The following KCTD18 variants were observed in gnomAD, a reference collection of about 807,000 sequenced individuals.
The protein encoded by KCTD18 is potassium channel tetramerization domain containing 18.
KCTD18 carries 22 observed loss-of-function variants against 30.4 expected under a neutral mutation model. The ratio of observed to expected loss-of-function variants is 0.72; its 90% confidence interval spans 0.52 to 1.03. The LOEUF (loss-of-function observed/expected upper bound fraction) is 1.03, where lower values mean the gene tolerates loss of function less well. KCTD18 is among the 50% of genes least tolerant of loss of function. KCTD18 has a pLI of 0.00. For synonymous variants in KCTD18, 186 were observed against 209.0 expected, an observed-to-expected ratio of 0.89 and a Z score of 0.95; for missense variants, 529 against 547.6, an observed-to-expected ratio of 0.97 and a Z score of 0.34.
chr2:200,491,312 C>T (rs1381016969), intron 6 of KCTD18, among the ~76,000 whole-genome samples: 1 of 152,188 alleles, frequency 6.6e-6, no homozygotes, highest in Non-Finnish European at 1.5e-5. Context: ...TGAGGCCTCA[C>T]CAGAAGCATA....
chr2:200,494,903 T>C (rs2087974135), intron 5 of KCTD18, among the ~76,000 whole-genome samples: 1 of 152,228 alleles, frequency 6.6e-6, no homozygotes, highest in South Asian at 2.1e-4. Flanking sequence ...AATGGGATCA[T>C]ACAAAATGCA....
intron 1 of KCTD18, among the ~76,000 whole-genome samples, chr2:200,508,475 A>G (rs1007737947): frequency 1.3e-5 from 2 of 152,274 alleles, no homozygotes; most frequent in East Asian, 3.9e-4. Flanking sequence ...TCCCACCTAA[A>G]ACAATACTGT....
chr2:200,492,021 C>T lies in KCTD18; in HGVS notation c.764+1151G>A, dbSNP rs887668155. Among the ~76,000 whole-genome samples the T allele has an allele frequency of 1.1e-4, 17 of 152,284 alleles. No individual in the cohort carries two copies. The South Asian group carries it at 1.5e-3, about 13-fold the overall frequency. ...ACAAGTGCTTCTCAGTCATCATCATCGTTATCCTGTTGATGCATCAAAAAT... is the reference window on the plus strand; with the variant it reads ...ACAAGTGCTTCTCAGTCATCATCATTGTTATCCTGTTGATGCATCAAAAAT... On this transcript the variant is annotated intron_variant, in intron 6 of 6. Coordinates refer to ENST00000359878, the MANE Select transcript of KCTD18 (RefSeq NM_152387.4).
chr2:200,508,249 C>G (rs1314540306), intron 1 of KCTD18, among the ~76,000 whole-genome samples: 1 of 152,142 alleles, frequency 6.6e-6, no homozygotes, highest in African/African-American at 2.4e-5. Context: ...ACCATCATGC[C>G]GGGCTAATTC....
At chr2:200,502,081 G>C (rs1246455735) in intron 3 of KCTD18, among the ~76,000 whole-genome samples, 1 of 149,008 alleles carries the variant, frequency 6.7e-6, no homozygotes, top group Non-Finnish European at 1.5e-5. Flanking sequence ...GGTGGGAATT[G>C]AACAATGAGA....
At position 200,493,219 on chromosome 2, in the gene KCTD18, T is replaced by C. The variant is rs1055931630; in HGVS notation, c.717A>G (p.Glu239=). The change falls in exon 6 of 7, where the codon GAA becomes GAG. Residue 239 remains glutamate (E), a synonymous_variant. Coordinates refer to ENST00000359878, the MANE Select transcript of KCTD18 (RefSeq NM_152387.4). The part of the protein sequence containing the change: ...HELIECWTLE[E]RPLLGSLRHM... ...GACGCAGGCTTCCAAGTAAAGGCCG[T>C]TCTTCTAGAGTCCAACACTCTATCA... The C allele has an allele frequency of 1.2e-6, 2 of 1,613,498 alleles. No individual in the cohort carries two copies.
chr2:200,489,280 CAGAA>C lies in KCTD18; in HGVS notation c.*816_*819del, dbSNP rs1397070911. The C allele has an allele frequency of 2.0e-5, 3 of 152,578 alleles. No homozygotes were observed. 9.5% of individuals were successfully genotyped at this position (152,578 alleles called of 1,614,324 possible). On this transcript the variant is annotated 3_prime_UTR_variant, in exon 7 of 7. Coordinates refer to ENST00000359878, the MANE Select transcript of KCTD18 (RefSeq NM_152387.4). ...ATGCATAAAAATCATATTGTATAATCAGAATGAATCTTCAGTGGTCATTTCTGAA... is the reference window on the plus strand; with the variant it reads ...ATGCATAAAAATCATATTGTATAATCTGAATCTTCAGTGGTCATTTCTGAA...
At chr2:200,495,706 C>T (rs2087988178) in intron 5 of KCTD18, among the ~76,000 whole-genome samples, 1 of 151,734 alleles carries the variant, frequency 6.6e-6, no homozygotes, top group Admixed American at 6.6e-5. Flanking sequence ...GGTCATGAAC[C>T]TTGTAATTTT....
Position 200,490,493 on chromosome 2 carries a change from C to A in KCTD18, c.888G>T (p.Thr296=), listed in dbSNP as rs758879282. ...QIKVKNSASV[T]VSPASAIQTS... ...TCTGGATGGCACTGGCTGGAGACAC[C>A]GTGACTGAGGCCGAGTTCTTGACTT... Residue 296 remains threonine (T), a synonymous_variant, in exon 7 of 7, where the codon ACG becomes ACT. Coordinates refer to ENST00000359878, the MANE Select transcript of KCTD18 (RefSeq NM_152387.4). The A allele has an allele frequency of 1.9e-6, 3 of 1,611,428 alleles. No homozygotes were observed. The highest frequency in any genetic ancestry group is 1.7e-5 in the Admixed American group (1 of 60,018).
At chr2:200,491,350 T>G (rs540284228) in intron 6 of KCTD18, among the ~76,000 whole-genome samples, 1 of 152,366 alleles carries the variant, frequency 6.6e-6, no homozygotes, top group South Asian at 2.1e-4. Flanking sequence ...TTGTACAGAC[T>G]GCAGAACCAT....
chr2:200,490,168 G>C lies in KCTD18; in HGVS notation c.1213C>G (p.Pro405Ala). 6.2e-7 allele frequency: 1 copy of C among 1,612,236 alleles called. No individual in the cohort carries two copies. The highest frequency in any genetic ancestry group is 8.5e-7 in the Non-Finnish European group (1 of 1,178,492). ...GCACGGGCAGCTTCGCCGGGAAGCG[G>C]CTTGAGGGAGTTGGCCTGCCTCGTG... Reference protein sequence around the residue: ...TATRQANSLKPLPGEAARALG... With the variant: ...TATRQANSLKALPGEAARALG... The change falls in exon 7 of 7, where the codon CCG (proline) becomes GCG (alanine). Residue 405 changes from proline (P) to alanine (A), a missense_variant. Coordinates refer to ENST00000359878, the MANE Select transcript of KCTD18 (RefSeq NM_152387.4).
chr2:200,508,343 G>A (rs1003999779), intron 1 of KCTD18, among the ~76,000 whole-genome samples: 5 of 152,154 alleles, frequency 3.3e-5, no homozygotes, highest in Admixed American at 1.3e-4. Flanking sequence ...ACCCACCTCG[G>A]CCTCCCAAAG....
chr2:200,502,519 A>C (rs1264912724), intron 3 of KCTD18, among the ~76,000 whole-genome samples: 2 of 152,198 alleles, frequency 1.3e-5, no homozygotes, highest in African/African-American at 4.8e-5. Flanking sequence ...CGAATATGTA[A>C]ACTCAATATC....
At chr2:200,506,476 A>G (rs971497382) in intron 2 of KCTD18, among the ~76,000 whole-genome samples, 1 of 152,228 alleles carries the variant, frequency 6.6e-6, no homozygotes, top group Non-Finnish European at 1.5e-5. Context: ...TGTTAGCAAT[A>G]AGGAGGGCAG....
chr2:200,497,775 G>A lies in KCTD18; in HGVS notation c.639C>T (p.Ala213=). 3 of 1,610,450 alleles carry A rather than the reference G, an allele frequency of 1.9e-6. No individual in the cohort carries two copies. Among genetic ancestry groups the A allele is most frequent in the Non-Finnish European group, 2.5e-6 (3 of 1,177,344 alleles). The change falls in exon 5 of 7, where the codon GCC becomes GCT. Residue 213 remains alanine (A), a synonymous_variant. Coordinates refer to ENST00000359878, the MANE Select transcript of KCTD18 (RefSeq NM_152387.4). ...TACCTTTTCCTTCCCAAGCATCAAA[G>A]GCATCCATCATTTTCTTCAACTCTG... ...SVAELKKMMD[A]FDAWEGKGVS...
rs767052821 is a variant in KCTD18, at chr2:200,494,196, C to T, written c.662-922G>A. Among the ~76,000 whole-genome samples, 21 of 152,242 alleles carry T rather than the reference C, an allele frequency of 1.4e-4. No individual in the cohort carries two copies. The Middle Eastern group carries it at 0.01, about 74-fold the overall frequency. Reference sequence around the variant, plus strand: ...GAGACACAAAGCAGACTGCTGGTTGCCAGGGGCTGTGGGAGACAGTGGAGT... The same window carrying T: ...GAGACACAAAGCAGACTGCTGGTTGTCAGGGGCTGTGGGAGACAGTGGAGT... On this transcript the variant is annotated intron_variant, in intron 5 of 6. Coordinates refer to ENST00000359878, the MANE Select transcript of KCTD18 (RefSeq NM_152387.4).
chr2:200,506,820 A>G lies in KCTD18; in HGVS notation c.160+37T>C, dbSNP rs1370435272. 1.3e-6 allele frequency: 2 copies of G among 1,597,394 alleles called. 1 individual carries two copies. Among genetic ancestry groups the G allele is most frequent in the South Asian group, 2.2e-5 (2 of 89,556 alleles). ...AAGGGAACTTAAACTGGTGTTAATA[A>G]ATATTCAGATCATGCTTTCAGACTT... On this transcript the variant is annotated intron_variant, in intron 2 of 6. Coordinates refer to ENST00000359878, the MANE Select transcript of KCTD18 (RefSeq NM_152387.4).
intron 6 of KCTD18, among the ~76,000 whole-genome samples, chr2:200,491,150 A>G (rs2087910269): frequency 6.6e-6 from 1 of 152,166 alleles, no homozygotes; most frequent in South Asian, 2.1e-4. Flanking sequence ...TCCCTCATGA[A>G]TGGCTTTGTG....
chr2:200,505,379 C>T (rs1364471497), intron 2 of KCTD18, among the ~76,000 whole-genome samples: 2 of 152,222 alleles, frequency 1.3e-5, no homozygotes, highest in African/African-American at 4.8e-5. Context: ...AAGCCATGCA[C>T]CCTGGCATGG....
Sources: gnomAD v4.1 joint callset for allele counts (sites outside exome capture counted in the v4.1 genomes callset) on GRCh38, gnomAD v4.1.1 for gene constraint, MANE v1.5 for transcripts, NCBI Gene and HGNC (gene_info 2026-07-23, HGNC 2026-07-21) for gene names.